MYH14: variants seen among roughly 807,000 people sequenced by gnomAD.
The protein encoded by MYH14 is myosin-14.
A neutral mutation model predicts 255.5 loss-of-function variants in MYH14; 123 were observed. That is an observed-to-expected ratio of 0.48 (90% CI 0.42 to 0.56). MYH14 has a LOEUF of 0.56. Ranked by LOEUF, MYH14 falls within the 20% of genes least tolerant of loss-of-function variation. The pLI, the probability that MYH14 is intolerant of heterozygous loss-of-function variation, is 0.00. For synonymous variants in MYH14, 1,095 were observed against 1,161.2 expected (o/e 0.94, Z 1.16); for missense variants, 2,423 against 2,802.3 (o/e 0.86, Z 3.06).
chr19:50,309,528 T>C (rs1027174034), intron 42 of MYH14, 112 bp from the exon 43 acceptor site: 20 of 765,420 alleles, frequency 2.6e-5, no homozygotes. Flanking sequence ...TATTTTGTTC[T>C]CTCTCTTCCT....
At chr19:50,290,819 G>C (rs1483467905) in intron 35 of MYH14, 68 bp from the exon 36 acceptor site, 1 of 1,480,530 alleles carries the variant, frequency 6.8e-7, no homozygotes, top group Admixed American at 2.3e-5. Flanking sequence ...AGACATCCAT[G>C]TCCCTAGCAC....
intron 41 of MYH14, among the ~76,000 whole-genome samples, chr19:50,307,675 A>T (rs2036699379): frequency 6.6e-6 from 1 of 152,198 alleles, no homozygotes; most frequent in South Asian, 2.1e-4. Context: ...CTTACTGAGC[A>T]GTTACTGTGT....
chr19:50,255,057 A>G (rs927199365), intron 16 of MYH14, among the ~76,000 whole-genome samples, 163 bp from the exon 17 acceptor site: 1 of 152,208 alleles, frequency 6.6e-6, no homozygotes, highest in Non-Finnish European at 1.5e-5. Flanking sequence ...TATGGCCAAC[A>G]TTCTGGTTTT....
chr19:50,240,694 T>A (rs1251165313), intron 10 of MYH14, among the ~76,000 whole-genome samples: 1 of 151,828 alleles, frequency 6.6e-6, no homozygotes, highest in African/African-American at 2.4e-5. Context: ...CCCAACACTT[T>A]GGGAGGCCAA....
intron 10 of MYH14, among the ~76,000 whole-genome samples, chr19:50,236,643 G>A (rs1338798362): frequency 6.6e-6 from 1 of 151,960 alleles, no homozygotes; most frequent in Non-Finnish European, 1.5e-5. Flanking sequence ...GGGAGGCGGA[G>A]GTTGCAGTGA....
intron 24 of MYH14, among the ~76,000 whole-genome samples, chr19:50,268,898 C>T (rs924213572): frequency 6.6e-6 from 1 of 152,238 alleles, no homozygotes; most frequent in African/African-American, 2.4e-5. Context: ...AGGCTGCCCT[C>T]ATGGTTCCCC....
chr19:50,272,911 T>A (rs2035364971), intron 27 of MYH14, among the ~76,000 whole-genome samples, 180 bp downstream of exon 27: 1 of 152,108 alleles, frequency 6.6e-6, no homozygotes, highest in Non-Finnish European at 1.5e-5. Flanking sequence ...TAGCAAGAGT[T>A]CCAGGCCCAC....
rs2035676784 is a variant in MYH14 at position 50,280,408 on chromosome 19, C to G, written c.4290+25C>G. On this transcript the variant is annotated intron_variant, in intron 32 of 42. Transcript: ENST00000642316. This position sits in a 1 kb window ranked among gnomAD's most constrained non-coding sequence, Gnocchi z 4.8. Reference sequence around the variant, plus strand: ...GGTGAGCAGCCCTACGTAAGACCTTCAGGGAGGCACAGCCCCCCTCACTGC... The same window carrying G: ...GGTGAGCAGCCCTACGTAAGACCTTGAGGGAGGCACAGCCCCCCTCACTGC... 2.7e-6 allele frequency: 4 copies of G among 1,499,006 alleles called. No homozygotes were observed. The highest frequency in any genetic ancestry group is 2.4e-4 in the Middle Eastern group (1 of 4,096). 92.9% of individuals were successfully genotyped at this position (1,499,006 alleles called of 1,614,324 possible). A position where few individuals can be genotyped will look rare whatever the true frequency, so the allele number is the denominator to read the frequency against.
At chr19:50,291,259 T>C (rs2036066266) in intron 36 of MYH14, among the ~76,000 whole-genome samples, 2 of 152,126 alleles carry the variant, frequency 1.3e-5, no homozygotes, top group African/African-American at 2.4e-5. Flanking sequence ...GCTGCACTTT[T>C]AAGTCAAATT....
At chr19:50,275,889 C>A in intron 27 of MYH14, 102 bp from the exon 28 acceptor site, 1 of 866,094 alleles carries the variant, frequency 1.2e-6, no homozygotes, top group Non-Finnish European at 1.8e-6. Flanking sequence ...TAACCTGGGA[C>A]TGGCCACTCC....
chr19:50,297,939 A>G lies in MYH14; in HGVS notation c.5470-3722A>G, dbSNP rs1475337295. Reference sequence around the variant, plus strand: ...CATTCCGAGGTTCTGAGTGGACATGAATTTTGCGTGGGAGTCTATTCACCC... The same window carrying G: ...CATTCCGAGGTTCTGAGTGGACATGGATTTTGCGTGGGAGTCTATTCACCC... On this transcript the variant is annotated intron_variant, in intron 39 of 42. Coordinates refer to ENST00000642316, the MANE Select transcript of MYH14 (RefSeq NM_001145809.2). Among the ~76,000 whole-genome samples the G allele has an allele frequency of 2.0e-5, 3 of 152,142 alleles. No homozygotes were observed. The East Asian group carries it at 5.8e-4, about 29-fold the overall frequency.
At chr19:50,219,374 AT>A (rs1444790343) in intron 3 of MYH14, among the ~76,000 whole-genome samples, 1 of 151,960 alleles carries the variant, frequency 6.6e-6, no homozygotes, top group African/African-American at 2.4e-5. Flanking sequence ...GTTTTCCATA[AT>A]TAAAAAATCA....
intron 32 of MYH14, 46 bp from the exon 33 acceptor site, chr19:50,281,548 C>A: frequency 6.6e-7 from 1 of 1,523,718 alleles, no homozygotes; most frequent in South Asian, 1.3e-5. Context: ...ACACCTTGGT[C>A]ACTCATGGCC....
chr19:50,267,080 G>A, intron 23 of MYH14, 72 bp downstream of exon 23: 2 of 1,402,402 alleles, frequency 1.4e-6, no homozygotes, highest in Non-Finnish European at 1.9e-6. Flanking sequence ...GGAGCCAGGT[G>A]TGAGGGGCGG....
chr19:50,209,846 C>T (rs747037381), intron 1 of MYH14, among the ~76,000 whole-genome samples: 10 of 150,402 alleles, frequency 6.6e-5, no homozygotes, highest in Non-Finnish European at 1.3e-4. Context: ...GCCTATAATC[C>T]CAGCACTTTG....
rs766889896 is a variant in MYH14, at chr19:50,226,942, A to G, written c.850A>G (p.Ile284Val). The G allele has an allele frequency of 6.8e-6, 11 of 1,613,778 alleles. No individual in the cohort carries two copies. In the South Asian group the frequency reaches 9.9e-5, roughly 14 times the overall value. Residue 284 changes from isoleucine to valine, a missense_variant, in exon 8 of 43, where the codon ATC becomes GTC. Around this residue, in one of 3 missense-constraint regions of MYH14, gnomAD observed 672 missense variants for 881.8 expected, o/e 0.76. Transcript: ENST00000642316. ...CATCAACTTTGATGTTGCCGGGTAC[A>G]TCGTGGGCGCCAACATTGAGACCTG... is the stretch of plus-strand genomic sequence containing the variant. ...IRINFDVAGY[I>V]VGANIETYLL...
At chr19:50,249,570 T>C in intron 13 of MYH14, 80 bp from the exon 14 acceptor site, 1 of 1,567,980 alleles carries the variant, frequency 6.4e-7, no homozygotes, top group Non-Finnish European at 8.7e-7. Context: ...CTCTGTCCCC[T>C]GTCTCTGGGT....
intron 3 of MYH14, among the ~76,000 whole-genome samples, chr19:50,222,198 C>T (rs112636377): frequency 5.3e-4 from 81 of 151,992 alleles, no homozygotes; most frequent in African/African-American, 1.8e-3. Context: ...ACCACTGCTT[C>T]GGCCGGGTGC....
At chr19:50,292,155 C>T in intron 36 of MYH14, 106 bp from the exon 37 acceptor site, 2 of 1,218,534 alleles carry the variant, frequency 1.6e-6, no homozygotes, top group East Asian at 2.9e-5. Flanking sequence ...GAGTTCCCTG[C>T]TTGTTCACGG....
Sources: gnomAD v4.1 joint callset for allele counts (sites outside exome capture counted in the v4.1 genomes callset) on GRCh38, gnomAD v4.1.1 for gene constraint, gnomAD v4.1.1 regional missense constraint, Gnocchi (gnomAD v3.1) non-coding constraint, MANE v1.5 for transcripts, NCBI Gene and HGNC (gene_info 2026-07-23, HGNC 2026-07-21) for gene names.